The following TTC7A variants were observed in gnomAD, a reference collection of about 807,000 sequenced individuals.
TTC7A encodes the protein tetratricopeptide repeat domain 7A, also known as tetratricopeptide repeat protein 7A.
TTC7A carries 110 observed loss-of-function variants against 103.7 expected under a neutral mutation model. That is an observed-to-expected ratio of 1.06 (90% CI 0.91 to 1.24). The LOEUF is 1.24. Among genes scored for constraint, TTC7A ranks in the 50% most tolerant of loss-of-function variants. The pLI is 0.00. For missense variants in TTC7A, 1,340 were observed against 1,116.3 expected (o/e 1.20, Z -2.86); for synonymous variants, 521 against 467.9 (o/e 1.11, Z -1.47).
At chr2:46,944,126 A>G (rs919145382) in intron 1 of TTC7A, among the ~76,000 whole-genome samples, 1 of 152,208 alleles carries the variant, frequency 6.6e-6, no homozygotes, top group Non-Finnish European at 1.5e-5. Context: ...GGAACCCCAG[A>G]GTCCTGCTTG....
chr2:47,032,456 C>T (rs6708748), intron 15 of TTC7A, among the ~76,000 whole-genome samples: 5 of 152,106 alleles, frequency 3.3e-5, no homozygotes, highest in Admixed American at 1.3e-4. Flanking sequence ...ATGCAGACAT[C>T]GCAGAGCGAC....
intron 19 of TTC7A, among the ~76,000 whole-genome samples, chr2:47,068,834 C>T (rs1169746939): frequency 1.5e-5 from 2 of 135,932 alleles, no homozygotes; most frequent in Non-Finnish European, 3.1e-5. Flanking sequence ...GCACTGCTGG[C>T]TTAATTAAGC....
intron 15 of TTC7A, among the ~76,000 whole-genome samples, chr2:47,037,037 A>G (rs1681188683): frequency 1.3e-5 from 2 of 152,128 alleles, no homozygotes; most frequent in African/African-American, 4.8e-5. Flanking sequence ...CTGTGCAGGT[A>G]GGGTATCCAT....
Position 46,950,379 on chromosome 2 carries a change from G to T in TTC7A, c.201G>T (p.Leu67Phe), listed in dbSNP as rs772249598. ...GCTTTTCAGATGACTTTGGGAAATTGCTGCTGGCTGAGGCCCTCCTGGAGC... is the reference window on the plus strand; with the variant it reads ...GCTTTTCAGATGACTTTGGGAAATTTCTGCTGGCTGAGGCCCTCCTGGAGC... ...TFPDTDDFGK[L>F]LLAEALLEQC... Residue 67 changes from leucine (L) to phenylalanine (F), a missense_variant, in exon 2 of 20, where the codon TTG becomes TTT. Physicochemically the swap from Leu to Phe is conservative, Grantham distance 22. Transcript: ENST00000319190. 6.2e-7 allele frequency: 1 copy of T among 1,614,114 alleles called. No homozygotes were observed. The highest frequency in any genetic ancestry group is 1.1e-5 in the South Asian group (1 of 91,070).
intron 5 of TTC7A, among the ~76,000 whole-genome samples, chr2:46,985,277 A>T (rs919649023): frequency 6.6e-6 from 1 of 151,962 alleles, no homozygotes; most frequent in East Asian, 1.9e-4. Flanking sequence ...CACCACCCTG[A>T]AGAGGGGTAG....
intron 1 of TTC7A, among the ~76,000 whole-genome samples, chr2:46,949,763 T>A (rs955694996): frequency 6.6e-6 from 1 of 152,148 alleles, no homozygotes; most frequent in Admixed American, 6.5e-5. Flanking sequence ...TGGTGGCTGA[T>A]GCCTGTAATC....
At chr2:46,936,044 T>C (rs1669960616) in intron 2 of TTC7A, among the ~76,000 whole-genome samples, 1 of 152,144 alleles carries the variant, frequency 6.6e-6, no homozygotes, top group Non-Finnish European at 1.5e-5. Context: ...TGAGCTATGA[T>C]TGCACCATAG....
intron 19 of TTC7A, among the ~76,000 whole-genome samples, chr2:47,063,047 C>G (rs926130347): frequency 1.3e-5 from 2 of 152,208 alleles, no homozygotes; most frequent in African/African-American, 4.8e-5. Context: ...ATTTGCTAAG[C>G]GCTCATTTTC....
At chr2:47,065,481 C>A (rs1684109884) in intron 19 of TTC7A, among the ~76,000 whole-genome samples, 1 of 152,188 alleles carries the variant, frequency 6.6e-6, no homozygotes, top group African/African-American at 2.4e-5. Flanking sequence ...TATGTAGATT[C>A]CTTTGTGCCA....
At chr2:47,052,772 C>T (rs536899550) in intron 18 of TTC7A, among the ~76,000 whole-genome samples, 38 of 152,292 alleles carry the variant, frequency 2.5e-4, no homozygotes, top group Admixed American at 3.9e-4. Flanking sequence ...GCCAACACAA[C>T]CCCTTGGCCT....
intron 8 of TTC7A, among the ~76,000 whole-genome samples, chr2:47,002,616 A>G (rs991624903): frequency 7.2e-5 from 11 of 151,922 alleles, no homozygotes; most frequent in African/African-American, 1.7e-4. Flanking sequence ...CTGGGAAGGA[A>G]CTGATGCTCC....
At chr2:47,051,512 G>C (rs1056418308) in intron 17 of TTC7A, among the ~76,000 whole-genome samples, 6 of 152,204 alleles carry the variant, frequency 3.9e-5, no homozygotes, top group Admixed American at 6.5e-5. Context: ...ATAGATCCTA[G>C]TGGGATCTCT....
intron 3 of TTC7A, among the ~76,000 whole-genome samples, chr2:46,963,066 C>A (rs1257615986): frequency 6.6e-6 from 1 of 152,208 alleles, no homozygotes; most frequent in Non-Finnish European, 1.5e-5. Context: ...TCTTCTCAGG[C>A]ACCCACCCCT....
rs2104019844 is a variant in TTC7A at position 46,957,008 on chromosome 2, G to C, written c.517+1G>C. On this transcript the variant is annotated splice_donor_variant, in intron 3 of 19. Transcript: ENST00000319190. LOFTEE classifies it high-confidence loss of function. ...CTGTCGGAGGCTTTTGTCATCAAAG[G>C]TAGCTGTGGGCACCAGCCTGGGCTC... 1 of 1,614,108 alleles carries C rather than the reference G, an allele frequency of 6.2e-7. No homozygotes were observed.
intron 2 of TTC7A, among the ~76,000 whole-genome samples, chr2:46,932,517 A>G (rs1341015139): frequency 6.6e-6 from 1 of 152,170 alleles, no homozygotes. Flanking sequence ...ACATCTATGC[A>G]CTTTCTTTTG....
At chr2:46,946,660 A>C (rs1670969076) in intron 1 of TTC7A, among the ~76,000 whole-genome samples, 2 of 152,130 alleles carry the variant, frequency 1.3e-5, no homozygotes, top group Admixed American at 1.3e-4. Context: ...GGTCTCAATC[A>C]GTCCTACCAC....
chr2:47,065,059 G>A (rs980198939), intron 19 of TTC7A, among the ~76,000 whole-genome samples: 1 of 152,096 alleles, frequency 6.6e-6, no homozygotes, highest in African/African-American at 2.4e-5. Flanking sequence ...AGGCCGAGGC[G>A]GGCGGATCAC....
chr2:47,011,575 C>A, intron 11 of TTC7A, 140 bp downstream of exon 11: 1 of 660,246 alleles, frequency 1.5e-6, no homozygotes, highest in Non-Finnish European at 2.5e-6. Context: ...TGGGCCTGGG[C>A]AGGGAGAAAG....
chr2:47,044,981 G>A (rs555360128), intron 15 of TTC7A, among the ~76,000 whole-genome samples: 2 of 152,338 alleles, frequency 1.3e-5, no homozygotes, highest in South Asian at 2.1e-4. Context: ...TGCAGCCTTC[G>A]CAGTCTGGGT....
Sources: allele counts gnomAD v4.1 joint callset (sites outside exome capture counted in the v4.1 genomes callset), GRCh38; gene constraint gnomAD v4.1.1; transcripts MANE v1.5; gene names NCBI Gene and HGNC (gene_info 2026-07-23, HGNC 2026-07-21).